The following VPS37B variants were observed in gnomAD, a reference collection of about 807,000 sequenced individuals.
The protein encoded by VPS37B is vacuolar protein sorting-associated protein 37B.
A neutral mutation model predicts 21.2 loss-of-function variants in VPS37B; 11 were observed. The observed-to-expected ratio is 0.52, with a 90% CI of 0.33 to 0.86. The LOEUF is 0.86. Ranked by LOEUF, VPS37B falls within the 40% of genes least tolerant of loss-of-function variation. The pLI, the probability that VPS37B is intolerant of heterozygous loss-of-function variation, is 0.03. For missense variants in VPS37B, 389 were observed against 374.8 expected, an observed-to-expected ratio of 1.04 and a Z score of -0.31; for synonymous variants, 175 against 159.6, an observed-to-expected ratio of 1.10 and a Z score of -0.73.
Position 122,888,498 on chromosome 12 carries a change from T to TA in VPS37B, c.111+7453dup, listed in dbSNP as rs1252655686. The TA allele has an allele frequency of 8.8e-6, 4 of 455,440 alleles. No homozygotes were observed. In the East Asian group the frequency reaches 2.8e-4, roughly 32 times the overall value. The allele number at this position is 455,440 out of a possible 1,614,324, so 28.2% of individuals were successfully genotyped here. A position where few individuals can be genotyped will look rare whatever the true frequency, so the allele number is the denominator to read the frequency against. On this transcript the variant is annotated intron_variant, in intron 1 of 3. Coordinates refer to ENST00000267202, the MANE Select transcript of VPS37B (RefSeq NM_024667.3). ...TACGAGTGGCTGGCACACGGTCTTC[T>TA]AGATCACCTCCCACTGCGTACCTGG...
Position 122,868,805 on chromosome 12 carries a change from A to C in VPS37B, c.284-243T>G, listed in dbSNP as rs1179731481. 6.6e-6 allele frequency among the ~76,000 whole-genome samples: 1 copy of C among 152,168 alleles called. No homozygotes were observed. The highest frequency in any genetic ancestry group is 1.9e-4 in the East Asian group (1 of 5,194). Reference sequence around the variant, plus strand: ...TCAAATATGGGGCAGTGACATTCTCATCATGCCACTTTGTATTTCCTTTAT... The same window carrying C: ...TCAAATATGGGGCAGTGACATTCTCCTCATGCCACTTTGTATTTCCTTTAT... On this transcript the variant is annotated intron_variant, in intron 2 of 3. Transcript: ENST00000267202. The surrounding 1 kb of genome is among the most constrained non-coding windows in gnomAD (Gnocchi z 5.5).
chr12:122,881,967 G>A (rs963875363), intron 1 of VPS37B: 12 of 151,972 alleles, frequency 7.9e-5, no homozygotes, highest in Admixed American at 5.9e-4. Context: ...AGCAAACTTC[G>A]AGCATCATCA....
Position 122,868,661 on chromosome 12 carries a change from G to A in VPS37B, c.284-99C>T, listed in dbSNP as rs1458231253. 2.8e-6 allele frequency: 3 copies of A among 1,072,932 alleles called. No individual in the cohort carries two copies. Among genetic ancestry groups the A allele is most frequent in the East Asian group, 5.1e-5 (2 of 39,280 alleles). The allele number at this position is 1,072,932 out of a possible 1,614,324, so 66.5% of individuals were successfully genotyped here. On this transcript the variant is annotated intron_variant, in intron 2 of 3. Coordinates refer to ENST00000267202, the MANE Select transcript of VPS37B (RefSeq NM_024667.3). The surrounding 1 kb of genome is among the most constrained non-coding windows in gnomAD (Gnocchi z 5.5). ...AGGATTGCACCTTCCTTTCCAGGAAGCTGAATGTGAAAGGCTTGAAAACCT... is the reference window on the plus strand; with the variant it reads ...AGGATTGCACCTTCCTTTCCAGGAAACTGAATGTGAAAGGCTTGAAAACCT...
chr12:122,869,048 G>A (rs904718245), intron 2 of VPS37B, among the ~76,000 whole-genome samples: 1 of 152,222 alleles, frequency 6.6e-6, no homozygotes, highest in African/African-American at 2.4e-5. Context: ...GAATCAGAGA[G>A]TACAGGTCAT....
intron 1 of VPS37B, among the ~76,000 whole-genome samples, chr12:122,893,886 T>C (rs1235818776): frequency 6.7e-6 from 1 of 149,518 alleles, no homozygotes; most frequent in Non-Finnish European, 1.5e-5. Context: ...TAAAAAATAA[T>C]CTTCAGGTTC....
At chr12:122,873,187 C>G (rs1435483151) in intron 1 of VPS37B, 1 of 152,192 alleles carries the variant, frequency 6.6e-6, no homozygotes, top group Non-Finnish European at 1.5e-5. Flanking sequence ...AGTATCAGTG[C>G]CCCGATCCTG....
chr12:122,875,960 C>G lies in VPS37B; in HGVS notation c.112-4899G>C, dbSNP rs549159975. 3.3e-5 allele frequency: 5 copies of G among 152,178 alleles called. No individual in the cohort carries two copies. The East Asian group carries it at 7.7e-4, about 23-fold the overall frequency. 9.4% of individuals were successfully genotyped at this position (152,178 alleles called of 1,614,324 possible). A position where few individuals can be genotyped will look rare whatever the true frequency, so the allele number is the denominator to read the frequency against. On this transcript the variant is annotated intron_variant, in intron 1 of 3. Coordinates refer to ENST00000267202, the MANE Select transcript of VPS37B (RefSeq NM_024667.3). ...CCAACCTCTTGATCATTCTCATGAT[C>G]CTTTTTGTTAACCATAGAAAAGTCT... is the stretch of plus-strand genomic sequence containing the variant.
intron 1 of VPS37B, chr12:122,888,365 G>T: frequency 2.9e-6 from 1 of 348,340 alleles, no homozygotes; most frequent in Non-Finnish European, 5.8e-6. Flanking sequence ...TGTATCATTG[G>T]GTAAGACATC....
chr12:122,884,398 T>A (rs901044193), intron 1 of VPS37B: 3 of 152,218 alleles, frequency 2.0e-5, no homozygotes, highest in African/African-American at 7.2e-5. Context: ...AGAATCAATT[T>A]ATATCTATGC....
At position 122,870,878 on chromosome 12, in the gene VPS37B, T is replaced by C; in HGVS notation, c.283+12A>G. ...ACTCTTTATTCTCGAATGATCACCC[T>C]TAAAAAGTTACCTAATTTGGTCTTC... On this transcript the variant is annotated intron_variant, in intron 2 of 3. Transcript: ENST00000267202. 1 of 1,603,184 alleles carries C rather than the reference T, an allele frequency of 6.2e-7. No homozygotes were observed. Among genetic ancestry groups the C allele is most frequent in the East Asian group, 2.3e-5 (1 of 44,022 alleles).
intron 1 of VPS37B, chr12:122,877,496 C>G (rs139295304): frequency 6.6e-6 from 1 of 152,368 alleles, no homozygotes; most frequent in African/African-American, 2.4e-5. Flanking sequence ...ATCCTCTTGC[C>G]TCAGCCTCCC....
rs913116377 is a variant in VPS37B, at chr12:122,867,878, C to T, written c.367-271G>A. On this transcript the variant is annotated intron_variant, in intron 3 of 3. Transcript: ENST00000267202. The surrounding 1 kb of genome is among the most constrained non-coding windows in gnomAD (Gnocchi z 5.5). ...GGAGCTGGCCTTTGGGTGAGGGCTC[C>T]GACTCCTGGGTCCCAGGCCTCTCTC... Among the ~76,000 whole-genome samples the T allele has an allele frequency of 4.6e-5, 7 of 152,196 alleles. No individual in the cohort carries two copies. The highest frequency in any genetic ancestry group is 1.2e-4 in the African/African-American group (5 of 41,438).
chr12:122,886,742 A>G (rs1337045469), intron 1 of VPS37B: 4 of 152,242 alleles, frequency 2.6e-5, no homozygotes, highest in Non-Finnish European at 5.9e-5. Flanking sequence ...TCACAGTAAC[A>G]GCTTCCACTT....
chr12:122,895,130 T>C (rs2034471925), intron 1 of VPS37B, among the ~76,000 whole-genome samples: 1 of 152,088 alleles, frequency 6.6e-6, no homozygotes, highest in Non-Finnish European at 1.5e-5. Context: ...CTTAGATACA[T>C]GGAACCTTCA....
At position 122,868,085 on chromosome 12, in the gene VPS37B, G is replaced by T. The variant is rs905572110; in HGVS notation, c.366+395C>A. 2.0e-5 allele frequency among the ~76,000 whole-genome samples: 3 copies of T among 152,204 alleles called. No individual in the cohort carries two copies. Among genetic ancestry groups the T allele is most frequent in the Admixed American group, 1.3e-4 (2 of 15,288 alleles). On this transcript the variant is annotated intron_variant, in intron 3 of 3. Coordinates refer to ENST00000267202, the MANE Select transcript of VPS37B (RefSeq NM_024667.3). The surrounding 1 kb of genome is among the most constrained non-coding windows in gnomAD (Gnocchi z 5.5). ...AGCCTGCAACAACTGCACAACATTC[G>T]ACCTTGACTCATTTCCTTATCGCCT...
rs745389131 is a variant in VPS37B, at chr12:122,867,948, C to A, written c.367-341G>T. Among the ~76,000 whole-genome samples the A allele has an allele frequency of 6.6e-6, 1 of 152,170 alleles. No homozygotes were observed. The highest frequency in any genetic ancestry group is 6.5e-5 in the Admixed American group (1 of 15,280). On this transcript the variant is annotated intron_variant, in intron 3 of 3. Coordinates refer to ENST00000267202, the MANE Select transcript of VPS37B (RefSeq NM_024667.3). This position sits in a 1 kb window ranked among gnomAD's most constrained non-coding sequence, Gnocchi z 5.5. Reference sequence around the variant, plus strand: ...ACCTCCTTGCTTCCACCCGGCTGCACCCTGACTGACAGACTCGCCCTGGGT... The same window carrying A: ...ACCTCCTTGCTTCCACCCGGCTGCAACCTGACTGACAGACTCGCCCTGGGT...
In VPS37B at chr12:122,889,671, G is replaced by A. The variant is rs181300956; in HGVS notation, c.111+6281C>T. 4.5e-3 allele frequency: 679 copies of A among 150,210 alleles called. 2 individuals are homozygous for A. Among genetic ancestry groups the A allele is most frequent in the Non-Finnish European group, 6.0e-3 (410 of 67,910 alleles). The allele number at this position is 150,210 out of a possible 1,614,324, so 9.3% of individuals were successfully genotyped here. The stretch of plus-strand genomic sequence containing the variant: ...CGGGAGGCAGAGGTTGCGGTGAGCC[G>A]AGATTGTGCCATTGCACTCCAGCCT... On this transcript the variant is annotated intron_variant, in intron 1 of 3. Transcript: ENST00000267202.
At position 122,871,054 on chromosome 12, in the gene VPS37B, T is replaced by C; in HGVS notation, c.119A>G (p.Asn40Ser). The C allele has an allele frequency of 6.2e-7, 1 of 1,614,068 alleles. No individual in the cohort carries two copies. The highest frequency in any genetic ancestry group is 8.5e-7 in the Non-Finnish European group (1 of 1,179,986). ...TGTCATTTCTTTGTTAAGCTGAACA[T>C]TCTGTGTCTGCAAGGAACACACAAG... ...EMVQKMEETQ[N>S]VQLNKEMTLA... Residue 40 changes from asparagine (N) to serine (S), a missense_variant, in exon 2 of 4, where the codon AAT becomes AGT. Transcript: ENST00000267202.
chr12:122,879,290 C>A (rs988158626), intron 1 of VPS37B: 7 of 152,440 alleles, frequency 4.6e-5, no homozygotes, highest in African/African-American at 1.4e-4. Context: ...CCAGCAGCCA[C>A]CTGGCTGACC....
Sources: allele counts gnomAD v4.1 joint callset (sites outside exome capture counted in the v4.1 genomes callset), GRCh38; gene constraint gnomAD v4.1.1; non-coding constraint Gnocchi (gnomAD v3.1); transcripts MANE v1.5; gene names NCBI Gene and HGNC (gene_info 2026-07-23, HGNC 2026-07-21).